PDE1C: variants seen among roughly 807,000 people sequenced by gnomAD.
PDE1C encodes phosphodiesterase 1C.
A neutral mutation model predicts 93.1 loss-of-function variants in PDE1C; 62 were observed. That is an observed-to-expected ratio of 0.67 (90% CI 0.54 to 0.82). PDE1C has a LOEUF of 0.82. PDE1C is among the 40% of genes least tolerant of loss of function. The pLI is 0.00. For synonymous variants in PDE1C, 325 were observed against 310.1 expected, an observed-to-expected ratio of 1.05 and a Z score of -0.50; for missense variants, 742 against 884.6, an observed-to-expected ratio of 0.84 and a Z score of 2.04.
intron 2 of PDE1C, among the ~76,000 whole-genome samples, chr7:32,041,996 G>A (rs1307619254): frequency 6.6e-6 from 1 of 152,184 alleles, no homozygotes; most frequent in East Asian, 1.9e-4. Flanking sequence ...GGGCTCCACA[G>A]CTGTAAAAAT....
the PDE1C span, among the ~76,000 whole-genome samples, chr7:31,728,527 GT>G: frequency 6.6e-6 from 1 of 152,166 alleles, no homozygotes; most frequent in Non-Finnish European, 1.5e-5. Flanking sequence ...TTTATAGCCA[GT>G]TTTCTATTCC....
rs558938841 is a variant in PDE1C at position 31,885,834 on chromosome 7, C to T, written c.129-4974G>A. ...GCATTATTCCCCACCCCAGTGAGGT[C>T]GCAGAAAGCCCTATAACCCTATGCC... On this transcript the variant is annotated intron_variant, in intron 2 of 17. Transcript: ENST00000396191. 1.2e-4 allele frequency among the ~76,000 whole-genome samples: 19 copies of T among 152,282 alleles called. No individual in the cohort carries two copies. In the South Asian group the frequency reaches 2.3e-3, roughly 18 times the overall value.
the PDE1C span, among the ~76,000 whole-genome samples, chr7:31,721,283 A>G: frequency 1.3e-5 from 2 of 152,230 alleles, no homozygotes; most frequent in Non-Finnish European, 2.9e-5. Flanking sequence ...TTAGCAAATG[A>G]CATTCAATTA....
chr7:32,207,884 C>A (rs1257429754), intron 2 of PDE1C, among the ~76,000 whole-genome samples: 1 of 152,220 alleles, frequency 6.6e-6, no homozygotes. Flanking sequence ...CTCTGGGACT[C>A]CCATGGGGGA....
At chr7:31,770,499 CT>C (rs1366712316) in intron 17 of PDE1C, among the ~76,000 whole-genome samples, 3 of 152,004 alleles carry the variant, frequency 2.0e-5, no homozygotes, top group African/African-American at 7.2e-5. Flanking sequence ...TCTATGTTTT[CT>C]TCTTTTTTAT....
chr7:31,808,890 A>T, intron 16 of PDE1C, 141 bp downstream of exon 16: 1 of 543,212 alleles, frequency 1.8e-6, no homozygotes, highest in South Asian at 2.7e-5. Flanking sequence ...GGATAATAGT[A>T]CCCTTTAAAT....
In PDE1C at chr7:32,406,531, C is replaced by CAAA. The variant is rs5883350; in HGVS notation, c.310+21288_310+21290dup. Among the ~76,000 whole-genome samples, 501 of 133,254 alleles carry CAAA rather than the reference C, an allele frequency of 3.8e-3. 2 individuals carry two copies. The highest frequency in any genetic ancestry group is 0.014 in the African/African-American group (485 of 35,836). 87.4% of individuals were successfully genotyped at this position (133,254 alleles called of 152,430 possible). A position where few individuals can be genotyped will look rare whatever the true frequency, so the allele number is the denominator to read the frequency against. On this transcript the variant is annotated intron_variant, in intron 1 of 1. Coordinates refer to the PDE1C transcript ENST00000672256. ...TTTACACCAAAACACCTCCATAATG[C>CAAA]AAAAAAAAAAAAAAAAAATTGGAAT...
chr7:31,922,312 A>G (rs193270396), intron 2 of PDE1C, among the ~76,000 whole-genome samples: 93 of 152,334 alleles, frequency 6.1e-4, no homozygotes, highest in African/African-American at 1.9e-3. Flanking sequence ...CATTGCCCCT[A>G]GCAAGAATTC....
chr7:32,067,070 G>GC (rs1795489351), intron 1 of PDE1C, among the ~76,000 whole-genome samples: 1 of 152,202 alleles, frequency 6.6e-6, no homozygotes, highest in South Asian at 2.1e-4. Context: ...CGCTCAAGGG[G>GC]CATGGGCGCC....
At chr7:31,888,249 CAAAAAAAAAA>C (rs34112969) in intron 2 of PDE1C, among the ~76,000 whole-genome samples, 4 of 44,224 alleles carry the variant, frequency 9.0e-5, no homozygotes, top group African/African-American at 1.6e-4. Context: ...GACTCAGTCT[CAAAAAAAAAA>C]AAAAAAAAAA....
At chr7:32,143,612 G>C (rs1377114544) in intron 3 of PDE1C, among the ~76,000 whole-genome samples, 1 of 152,008 alleles carries the variant, frequency 6.6e-6, no homozygotes, top group African/African-American at 2.4e-5. Flanking sequence ...GATTAAATAG[G>C]TTTAACTTGT....
In PDE1C at chr7:32,410,699, A is replaced by AG. The variant is rs546331719; in HGVS notation, c.310+17122dup. On this transcript the variant is annotated intron_variant, in intron 1 of 1. Coordinates refer to the PDE1C transcript ENST00000672256. ...GAAGCTGAGAGAAGAGAGAGCTGAG[A>AG]GCATTTCTTCCCTGCTCCTCCGCTT... Among the ~76,000 whole-genome samples the AG allele has an allele frequency of 5.3e-5, 8 of 152,212 alleles. No homozygotes were observed. The South Asian group carries it at 1.7e-3, about 32-fold the overall frequency.
At chr7:31,667,119 G>T in the PDE1C span, among the ~76,000 whole-genome samples, 1 of 152,150 alleles carries the variant, frequency 6.6e-6, no homozygotes, top group African/African-American at 2.4e-5. Flanking sequence ...GTAAGCTGAG[G>T]TGACAGAAGA....
At chr7:31,897,845 C>T (rs534831164) in intron 2 of PDE1C, among the ~76,000 whole-genome samples, 3 of 152,230 alleles carry the variant, frequency 2.0e-5, no homozygotes, top group African/African-American at 7.2e-5. Flanking sequence ...AGACTACAAA[C>T]CAATGGGTTT....
At chr7:31,728,387 G>T in the PDE1C span, among the ~76,000 whole-genome samples, 2 of 152,186 alleles carry the variant, frequency 1.3e-5, no homozygotes, top group Non-Finnish European at 2.9e-5. Flanking sequence ...AGGGAGACAT[G>T]AACCTGTTTC....
rs149645193 is a variant in PDE1C at position 32,098,384 on chromosome 7, A to G, written c.308+71401T>C. On this transcript the variant is annotated intron_variant, in intron 3 of 18. Transcript: ENST00000396193. The stretch of plus-strand genomic sequence containing the variant: ...CCTTGGCGAGCCTTTCTCTTTAAGG[A>G]CAGAGAAATCATATAAGTGATTATA... Among the ~76,000 whole-genome samples the G allele has an allele frequency of 8.1e-3, 1,236 of 152,178 alleles. 15 individuals carry two copies. The highest frequency in any genetic ancestry group is 0.028 in the African/African-American group (1,168 of 41,518).
chr7:31,837,855 C>T lies in PDE1C; in HGVS notation c.1082+15G>A. The T allele has an allele frequency of 1.3e-6, 2 of 1,587,676 alleles. No individual in the cohort carries two copies. The highest frequency in any genetic ancestry group is 1.7e-6 in the Non-Finnish European group (2 of 1,156,090). Reference sequence around the variant, plus strand: ...CACCTATACAAACAAAAACACAAGCCACAAGCACACTTACGCTTCTGGCTG... The same window carrying T: ...CACCTATACAAACAAAAACACAAGCTACAAGCACACTTACGCTTCTGGCTG... On this transcript the variant is annotated intron_variant, in intron 10 of 17. Coordinates refer to ENST00000396191, the MANE Select transcript of PDE1C (RefSeq NM_001191057.4).
exon 3 of PDE1C, chr7:32,169,791 G>T (rs1802530860): frequency 6.2e-7 from 1 of 1,612,324 alleles, no homozygotes; most frequent in East Asian, 2.2e-5. Context: ...AAACCTGAAG[G>T]ATGTCTTCAC....
At chr7:31,696,135 G>C in the PDE1C span, 1 of 152,422 alleles carries the variant, frequency 6.6e-6, no homozygotes, top group African/African-American at 2.4e-5. Flanking sequence ...GCAGTCTGCT[G>C]AACAGCTAAC....
Sources: allele counts gnomAD v4.1 joint callset (sites outside exome capture counted in the v4.1 genomes callset), GRCh38; gene constraint gnomAD v4.1.1; transcripts MANE v1.5; gene names NCBI Gene and HGNC (gene_info 2026-07-23, HGNC 2026-07-21).